CUL4A: variants seen among roughly 807,000 people sequenced by gnomAD.
CUL4A encodes the protein cullin-4A.
In CUL4A, 16 loss-of-function variants were observed where a neutral mutation model predicts 95.5. The observed-to-expected ratio is 0.17, with a 90% confidence interval of 0.11 to 0.25. The LOEUF is 0.25. Among genes scored for constraint, CUL4A ranks in the 10% least tolerant of loss-of-function variants. The pLI is 1.00. For synonymous variants in CUL4A, 380 were observed against 353.1 expected (o/e 1.08, Z -0.85); for missense variants, 610 against 937.0 (o/e 0.65, Z 4.56).
chr13:113,208,486 AG>A, upstream of CUL4A: 14 of 1,540,436 alleles, frequency 9.1e-6, no homozygotes, highest in East Asian at 4.9e-5. Flanking sequence ...CCCGAACGGA[AG>A]AAGGGTGGCG....
rs536860562 is a variant in CUL4A, at chr13:113,266,024, A to G, written c.*2442A>G. 1.3e-5 allele frequency: 2 copies of G among 152,216 alleles called. No homozygotes were observed. The highest frequency in any genetic ancestry group is 4.8e-5 in the African/African-American group (2 of 41,532). 9.4% of individuals were successfully genotyped at this position (152,216 alleles called of 1,614,324 possible). A position where few individuals can be genotyped will look rare whatever the true frequency, so the allele number is the denominator to read the frequency against. On this transcript the variant is annotated 3_prime_UTR_variant, in exon 20 of 20. Coordinates refer to ENST00000375440, the MANE Select transcript of CUL4A (RefSeq NM_001008895.4). The stretch of plus-strand genomic sequence containing the variant: ...AGGCTATAATGGAGGGTCATTTTTT[A>G]TTTTTATTTAGAGACAGGGTCTTAA...
chr13:113,236,928 A>G (rs754676456), intron 9 of CUL4A, 38 bp downstream of exon 9: 6 of 1,424,528 alleles, frequency 4.2e-6, no homozygotes, highest in Non-Finnish European at 5.9e-6. Flanking sequence ...AAACTGAACA[A>G]TTATCCTTAG....
chr13:113,208,742 C>T (rs545595213), upstream of CUL4A: 40 of 1,483,628 alleles, frequency 2.7e-5, no homozygotes, highest in Non-Finnish European at 3.3e-5. Context: ...GGCCCCGCCG[C>T]GGGTGCGCAG....
At chr13:113,208,737 C>G, upstream of CUL4A, 1 of 1,486,966 alleles carries the variant, frequency 6.7e-7, no homozygotes, top group South Asian at 1.3e-5. Flanking sequence ...CCCCCGGCCC[C>G]GCCGCGGGTG....
intron 15 of CUL4A, among the ~76,000 whole-genome samples, chr13:113,251,826 C>T (rs1255945059): frequency 4.6e-5 from 7 of 152,126 alleles, no homozygotes; most frequent in African/African-American, 1.7e-4. Flanking sequence ...TCAGGTATTT[C>T]TTTATAGCAG....
At chr13:113,211,105 C>T (rs1595336630) in intron 2 of CUL4A, among the ~76,000 whole-genome samples, 1 of 152,236 alleles carries the variant, frequency 6.6e-6, no homozygotes, top group African/African-American at 2.4e-5. Context: ...CCCGAAATTG[C>T]CATGACCACT....
rs930319653 is a variant in CUL4A at position 113,266,727 on chromosome 13, A to G, written c.*3145A>G. 12 of 152,212 alleles carry G rather than the reference A, an allele frequency of 7.9e-5. No individual in the cohort carries two copies. Among genetic ancestry groups the G allele is most frequent in the African/African-American group, 2.9e-4 (12 of 41,456 alleles). The allele number at this position is 152,212 out of a possible 1,614,324, so 9.4% of individuals were successfully genotyped here. On this transcript the variant is annotated 3_prime_UTR_variant, in exon 20 of 20. Coordinates refer to ENST00000375440, the MANE Select transcript of CUL4A (RefSeq NM_001008895.4). ...AACTGGAACTTTGCAACAACTACCC[A>G]TGCTCAGAAGTTTGGGCCACCTTGA...
upstream of CUL4A, chr13:113,209,510 C>A (rs1595324089): frequency 5.9e-6 from 3 of 505,460 alleles, no homozygotes; most frequent in Non-Finnish European, 7.3e-6. Flanking sequence ...GGCACGCGGG[C>A]GGGGCGGGGC....
chr13:113,239,577 G>A (rs1282378973), intron 10 of CUL4A, 26 bp downstream of exon 10: 2 of 1,559,008 alleles, frequency 1.3e-6, no homozygotes, highest in African/African-American at 2.7e-5. Context: ...TGAGGCCGCG[G>A]GCGTGGGCAT....
rs939940664 is a variant in CUL4A at position 113,255,200 on chromosome 13, G to T, written c.2031+75G>T. 24 of 1,090,840 alleles carry T rather than the reference G, an allele frequency of 2.2e-5. No individual in the cohort carries two copies. The African/African-American group carries it at 3.6e-4, about 16-fold the overall frequency. 67.6% of individuals were successfully genotyped at this position (1,090,840 alleles called of 1,614,324 possible). A position where few individuals can be genotyped will look rare whatever the true frequency, so the allele number is the denominator to read the frequency against. On this transcript the variant is annotated intron_variant, in intron 18 of 19. Transcript: ENST00000375440. ...ATTTGTTTTTGTAGTAATGTTTTTG[G>T]CTGTTAGAGGCCTGAAGCACATTTC...
In CUL4A at chr13:113,229,505, G is replaced by A. The variant is rs1242689634; in HGVS notation, c.498G>A (p.Thr166=). Reference sequence around the variant, plus strand: ...GCACCTATGTGCTGCAGAACTCCACGCTGCCCTCCATCTGGTGAGTGTCCT... The same window carrying A: ...GCACCTATGTGCTGCAGAACTCCACACTGCCCTCCATCTGGTGAGTGTCCT... ...LDRTYVLQNS[T]LPSIWDMGLE... is the part of the protein sequence containing the mutation. Residue 166 remains threonine (T), a synonymous_variant, in exon 5 of 20, where the codon ACG becomes ACA. Coordinates refer to ENST00000375440, the MANE Select transcript of CUL4A (RefSeq NM_001008895.4). 14 of 1,613,266 alleles carry A rather than the reference G, an allele frequency of 8.7e-6. No individual in the cohort carries two copies. The highest frequency in any genetic ancestry group is 1.1e-5 in the Non-Finnish European group (13 of 1,179,920).
rs3814261 is a variant in CUL4A, at chr13:113,228,463, A to G, written c.438+418A>G. Among the ~76,000 whole-genome samples, 69 of 152,284 alleles carry G rather than the reference A, an allele frequency of 4.5e-4. No individual in the cohort carries two copies. The East Asian group carries it at 8.7e-3, about 19-fold the overall frequency. ...GACCTGGCCGTTAATTACTTAAGTG[A>G]GAGAACAGACCGTATTAATAGCTTT... On this transcript the variant is annotated intron_variant, in intron 4 of 19. Transcript: ENST00000375440.
intron 8 of CUL4A, among the ~76,000 whole-genome samples, chr13:113,235,676 T>C (rs1488143180): frequency 2.0e-5 from 3 of 151,898 alleles, no homozygotes; most frequent in Non-Finnish European, 2.9e-5. Context: ...GAAATGAAAA[T>C]GATACAGTGT....
chr13:113,237,284 G>T (rs1244878979), intron 9 of CUL4A, among the ~76,000 whole-genome samples: 1 of 152,204 alleles, frequency 6.6e-6, no homozygotes, highest in Non-Finnish European at 1.5e-5. Context: ...TTAGATTTTC[G>T]TGAGGCTTCC....
chr13:113,248,375 T>C (rs995776648), intron 15 of CUL4A, among the ~76,000 whole-genome samples: 3 of 152,238 alleles, frequency 2.0e-5, no homozygotes, highest in African/African-American at 7.2e-5. Context: ...CAGGGATTCT[T>C]AATTTATGTA....
intron 11 of CUL4A, among the ~76,000 whole-genome samples, chr13:113,243,822 G>A (rs981639461): frequency 6.6e-6 from 1 of 152,312 alleles, no homozygotes; most frequent in African/African-American, 2.4e-5. Flanking sequence ...TTGTTCCTCT[G>A]TATCATTTGT....
intron 15 of CUL4A, among the ~76,000 whole-genome samples, chr13:113,252,876 T>G (rs9549714): frequency 0.92 from 140,195 of 152,284 alleles, 65,628 homozygotes; most frequent in East Asian, 1. Context: ...AAACACCAGT[T>G]CAGGCATTAT....
At chr13:113,224,309 C>T (rs1000048623) in intron 3 of CUL4A, among the ~76,000 whole-genome samples, 2 of 151,824 alleles carry the variant, frequency 1.3e-5, no homozygotes, top group Non-Finnish European at 2.9e-5. Flanking sequence ...GCCGAGATCG[C>T]ACCACTGCAC....
chr13:113,209,130 G>T (rs990755338), upstream of CUL4A, among the ~76,000 whole-genome samples: 3 of 150,562 alleles, frequency 2.0e-5, no homozygotes, highest in African/African-American at 4.9e-5. Context: ...GTTAGGGCAC[G>T]TCCCGGCGCG....
Sources: gnomAD v4.1 joint callset for allele counts (sites outside exome capture counted in the v4.1 genomes callset) on GRCh38, gnomAD v4.1.1 for gene constraint, MANE v1.5 for transcripts, NCBI Gene and HGNC (gene_info 2026-07-23, HGNC 2026-07-21) for gene names.